The following SYNRG variants were observed in gnomAD, a reference collection of about 807,000 sequenced individuals.
SYNRG encodes the protein AP1 gamma subunit binding protein 1.
A neutral mutation model predicts 130.9 loss-of-function variants in SYNRG; 37 were observed. The observed-to-expected ratio is 0.28, with a 90% CI of 0.22 to 0.37. The LOEUF (loss-of-function observed/expected upper bound fraction) is 0.37. Among genes scored for constraint, SYNRG ranks in the 10% least tolerant of loss-of-function variants. The pLI, the probability that SYNRG is intolerant of heterozygous loss-of-function variation, is 1.00. For synonymous variants in SYNRG, 539 were observed against 568.1 expected (o/e 0.95, Z 0.73); for missense variants, 1,338 against 1,588.9 (o/e 0.84, Z 2.68).
chr17:37,559,377 T>C (rs998080388), intron 13 of SYNRG, among the ~76,000 whole-genome samples: 11 of 151,226 alleles, frequency 7.3e-5, no homozygotes, highest in African/African-American at 1.5e-4. Flanking sequence ...GCAACAACAA[T>C]AGAAAAAAAA....
Position 37,521,025 on chromosome 17 carries a change from TTTC to T in SYNRG, c.3667-380_3667-378del, listed in dbSNP as rs1259826903. Among the ~76,000 whole-genome samples, 8 of 129,400 alleles carry T rather than the reference TTTC, an allele frequency of 6.2e-5. No individual in the cohort carries two copies. The Admixed American group carries it at 6.4e-4, about 10-fold the overall frequency. 84.9% of individuals were successfully genotyped at this position (129,400 alleles called of 152,430 possible). A position where few individuals can be genotyped will look rare whatever the true frequency, so the allele number is the denominator to read the frequency against. The stretch of plus-strand genomic sequence containing the variant: ...AGCCAGAGACTGCGTCCTAGAACTT[TTTC>T]TTTTCTTTTTTTTTTTTTTTTGGAG... On this transcript the variant is annotated intron_variant, in intron 19 of 21. Coordinates refer to ENST00000612223, the MANE Select transcript of SYNRG (RefSeq NM_007247.6).
At position 37,540,530 on chromosome 17, in the gene SYNRG, C is replaced by T; in HGVS notation, c.3216G>A (p.Arg1072=). 6.2e-7 allele frequency: 1 copy of T among 1,613,974 alleles called. No homozygotes were observed. Among genetic ancestry groups the T allele is most frequent in the Non-Finnish European group, 8.5e-7 (1 of 1,179,986 alleles). The part of the protein sequence containing the change: ...FDLSVQGSHK[R]SLSLGDKEIS... ...TTTCTTTATCACCAAGGCTCAAACT[C>T]CTCTTGTGTGATCCTGGGAGAAGGG... Residue 1072 remains arginine, a synonymous_variant, in exon 16 of 22, where the codon AGG becomes AGA. Coordinates refer to ENST00000612223, the MANE Select transcript of SYNRG (RefSeq NM_007247.6).
At chr17:37,569,208 G>A (rs1178870802) in intron 10 of SYNRG, among the ~76,000 whole-genome samples, 1 of 152,206 alleles carries the variant, frequency 6.6e-6, no homozygotes, top group East Asian at 1.9e-4. Flanking sequence ...TCAGAAGTTC[G>A]AGACCAGTCT....
intron 14 of SYNRG, among the ~76,000 whole-genome samples, chr17:37,550,039 T>C (rs1490902795): frequency 6.6e-6 from 1 of 152,244 alleles, no homozygotes; most frequent in East Asian, 1.9e-4. Flanking sequence ...TTTGATGATA[T>C]ATATCTAATA....
At chr17:37,597,214 A>G (rs2062854271) in intron 2 of SYNRG, among the ~76,000 whole-genome samples, 1 of 152,178 alleles carries the variant, frequency 6.6e-6, no homozygotes, top group South Asian at 2.1e-4. Context: ...CATCTATCTC[A>G]GCGAGCCACC....
At chr17:37,601,458 A>T (rs999070751) in intron 1 of SYNRG, among the ~76,000 whole-genome samples, 2 of 152,184 alleles carry the variant, frequency 1.3e-5, no homozygotes, top group African/African-American at 4.8e-5. Context: ...TACATAACAT[A>T]AAATTCTATC....
At chr17:37,594,975 T>C (rs1469491941) in intron 3 of SYNRG, among the ~76,000 whole-genome samples, 1 of 152,160 alleles carries the variant, frequency 6.6e-6, no homozygotes, top group Non-Finnish European at 1.5e-5. Context: ...CTGAGGGTCT[T>C]AGGATAAAGA....
chr17:37,538,413 T>C lies in SYNRG; in HGVS notation c.3428A>G (p.Lys1143Arg), dbSNP rs1420517753. 4 of 1,604,478 alleles carry C rather than the reference T, an allele frequency of 2.5e-6. No individual in the cohort carries two copies. Among genetic ancestry groups the C allele is most frequent in the South Asian group, 2.3e-5 (2 of 88,732 alleles). ...TCCATTTAAGGTATCATTTGCCTTC[T>C]TAATGACCTACAAGAAATGAAATCA... ...RCLGSALNVIKKANDTLNGIS... is the reference protein window; with the variant it reads ...RCLGSALNVIRKANDTLNGIS... The change falls in exon 18 of 22, where the codon AAG becomes AGG. Residue 1143 changes from lysine to arginine, a missense_variant. Lys to Arg is a conservative substitution (Grantham distance 26). Coordinates refer to ENST00000612223, the MANE Select transcript of SYNRG (RefSeq NM_007247.6).
At chr17:37,533,588 C>CTTTTTTTTTTTTTTTT (rs533546189) in intron 19 of SYNRG, among the ~76,000 whole-genome samples, 1 of 135,384 alleles carries the variant, frequency 7.4e-6, no homozygotes, top group Non-Finnish European at 1.6e-5. Flanking sequence ...TTTTCTTTTT[C>CTTTTTTTTTTTTTTTT]TTTTTTTTTT....
Position 37,576,355 on chromosome 17 carries a change from T to C in SYNRG, c.887A>G (p.Glu296Gly). The C allele has an allele frequency of 6.2e-7, 1 of 1,613,792 alleles. No individual in the cohort carries two copies. The highest frequency in any genetic ancestry group is 8.5e-7 in the Non-Finnish European group (1 of 1,179,874). The change falls in exon 8 of 22, where the codon GAG becomes GGG. Residue 296 changes from glutamate (E) to glycine (G), a missense_variant. This residue lies in a region of SYNRG where 1,146 missense variants were observed against 1,342.3 expected (regional missense o/e 0.85). Transcript: ENST00000612223. ...AGCTTTTTTACCTGGAACCAAACTCTCATTGTAAATCCAAGGAGGCATTCT... is the reference window on the plus strand; with the variant it reads ...AGCTTTTTTACCTGGAACCAAACTCCCATTGTAAATCCAAGGAGGCATTCT... ...QPRMPPWIYN[E>G]SLVPDAYKKI...
At position 37,570,735 on chromosome 17, in the gene SYNRG, G is replaced by A; in HGVS notation, c.1249C>T (p.Leu417Phe). Residue 417 changes from leucine to phenylalanine, a missense_variant, in exon 10 of 22, where the codon CTT becomes TTT. This residue lies in a region of SYNRG where 1,146 missense variants were observed against 1,342.3 expected (regional missense o/e 0.85). Coordinates refer to ENST00000612223, the MANE Select transcript of SYNRG (RefSeq NM_007247.6). The stretch of plus-strand genomic sequence containing the variant: ...TTAATGCCCATGACTGGCTGTCCAA[G>A]GCTGAGGGGCATGGAGCCCGCAGGA... ...SGPAGSMPLS[L>F]GQPVMGINLV... The A allele has an allele frequency of 6.2e-7, 1 of 1,614,212 alleles. No individual in the cohort carries two copies. The highest frequency in any genetic ancestry group is 8.5e-7 in the Non-Finnish European group (1 of 1,180,042).
intron 1 of SYNRG, among the ~76,000 whole-genome samples, chr17:37,604,241 A>T (rs1407451812): frequency 8.5e-5 from 1 of 11,750 alleles, no homozygotes. Context: ...CTCTGTCTAT[A>T]AAAAAAAAAA....
intron 19 of SYNRG, among the ~76,000 whole-genome samples, chr17:37,522,063 T>C (rs2055141205): frequency 6.6e-6 from 1 of 151,672 alleles, no homozygotes; most frequent in Non-Finnish European, 1.5e-5. Flanking sequence ...AGACCATAAA[T>C]AGAACAACAG....
At chr17:37,565,277 T>C (rs1025276229) in intron 11 of SYNRG, among the ~76,000 whole-genome samples, 1 of 149,164 alleles carries the variant, frequency 6.7e-6, no homozygotes, top group Non-Finnish European at 1.5e-5. Flanking sequence ...AAAAAAAAAA[T>C]AGTTTCATTC....
rs1043038788 is a variant in SYNRG, at chr17:37,585,409, T to C, written c.393A>G (p.Gln131=). ...TTTTTCTTTCTTCTTCTAAGAGTTT[T>C]TGCTGCTGTTCAAATCGTTTCCTGA... ...EEQQKRFEQQ[Q]KLLEEERKRR... The change falls in exon 5 of 22, where the codon CAA becomes CAG. Residue 131 remains glutamine (Q), a synonymous_variant. Transcript: ENST00000612223. 1 of 1,613,390 alleles carries C rather than the reference T, an allele frequency of 6.2e-7. No individual in the cohort carries two copies. Among genetic ancestry groups the C allele is most frequent in the Non-Finnish European group, 8.5e-7 (1 of 1,180,024 alleles).
In SYNRG at chr17:37,535,970, T is replaced by C. The variant is rs1451761612; in HGVS notation, c.3666+9A>G. 3 of 1,613,432 alleles carry C rather than the reference T, an allele frequency of 1.9e-6. No homozygotes were observed. Among genetic ancestry groups the C allele is most frequent in the African/African-American group, 1.3e-5 (1 of 74,944 alleles). ...GGAAAGCAACTGCTGAGTTGTCTCATGGGCTTACTGTGAGTGTGGCGAGTG... is the reference window on the plus strand; with the variant it reads ...GGAAAGCAACTGCTGAGTTGTCTCACGGGCTTACTGTGAGTGTGGCGAGTG... On this transcript the variant is annotated intron_variant, in intron 19 of 21. Transcript: ENST00000612223.
intron 14 of SYNRG, among the ~76,000 whole-genome samples, chr17:37,549,553 T>C (rs2058559090): frequency 6.6e-6 from 1 of 152,148 alleles, no homozygotes; most frequent in African/African-American, 2.4e-5. Flanking sequence ...GAACACATAC[T>C]GCAAACCTAA....
At chr17:37,580,862 GT>G (rs1162988445) in intron 6 of SYNRG, among the ~76,000 whole-genome samples, 6 of 152,068 alleles carry the variant, frequency 3.9e-5, no homozygotes, top group African/African-American at 1.4e-4. Flanking sequence ...AGAGACGGGG[GT>G]TTCTCCATAT....
intron 1 of SYNRG, among the ~76,000 whole-genome samples, chr17:37,604,194 C>T (rs1329928821): frequency 6.6e-6 from 1 of 151,050 alleles, no homozygotes; most frequent in East Asian, 1.9e-4. Flanking sequence ...GAGGCGAGAT[C>T]ACGCCACTGC....
Sources: gnomAD v4.1 joint callset for allele counts (sites outside exome capture counted in the v4.1 genomes callset) on GRCh38, gnomAD v4.1.1 for gene constraint, gnomAD v4.1.1 regional missense constraint, MANE v1.5 for transcripts, NCBI Gene and HGNC (gene_info 2026-07-23, HGNC 2026-07-21) for gene names.